The following MAP3K10 variants were observed in gnomAD, a reference collection of about 807,000 sequenced individuals.
The protein encoded by MAP3K10 is mitogen-activated protein kinase kinase kinase 10, also known as MKN28 derived nonreceptor_type serine/threonine kinase.
Under a neutral mutation model 75.0 loss-of-function variants are expected in MAP3K10, and 22 were observed. That is an observed-to-expected ratio of 0.29 (90% CI 0.21 to 0.42). The LOEUF (loss-of-function observed/expected upper bound fraction) is 0.42. Ranked by LOEUF, MAP3K10 falls within the 10% of genes least tolerant of loss-of-function variation. The pLI, the probability that MAP3K10 is intolerant of heterozygous loss-of-function variation, is 1.00. For missense variants in MAP3K10, 1,165 were observed against 1,379.8 expected, an observed-to-expected ratio of 0.84 and a Z score of 2.47; for synonymous variants, 599 against 612.9, an observed-to-expected ratio of 0.98 and a Z score of 0.34.
At position 40,213,794 on chromosome 19, in the gene MAP3K10, G is replaced by A; in HGVS notation, c.2115G>A (p.Trp705Ter). 1 of 1,263,436 alleles carries A rather than the reference G, an allele frequency of 7.9e-7. No homozygotes were observed. Among genetic ancestry groups the A allele is most frequent in the South Asian group, 1.9e-5 (1 of 53,358 alleles). The allele number at this position is 1,263,436 out of a possible 1,614,324, so 78.3% of individuals were successfully genotyped here. Residue 705 changes from tryptophan (W) to a stop codon, truncating the protein, a stop_gained, in exon 9 of 10, where the codon TGG becomes TGA. Coordinates refer to ENST00000253055, the MANE Select transcript of MAP3K10 (RefSeq NM_002446.4). LOFTEE classifies it high-confidence loss of function. This position sits in a 1 kb window ranked among gnomAD's most constrained non-coding sequence, Gnocchi z 5.7. ...CCGACGGTGAGGAGCAGCGGCGCTG[G>A]CTCGACGGCCTCTTCTTTCCCCGCG... is the stretch of plus-strand genomic sequence containing the variant. ...RAADGEEQRRWLDGLFFPRAG... is the reference protein window; with the variant it reads ...RAADGEEQRR
Position 40,214,007 on chromosome 19 carries a change from A to ACCCCCCCCCCCCCCCCCCCC in MAP3K10, c.2330_2331insCCCCCCCCCCCCCCCCCCCC (p.Ser779ProfsTer50). On this transcript the variant is annotated frameshift_variant, in exon 9 of 10. Coordinates refer to ENST00000253055, the MANE Select transcript of MAP3K10 (RefSeq NM_002446.4). LOFTEE classifies it high-confidence loss of function. ...AGGCCGCACCGGCCGCGCCCTCCCC[A>ACCCCCCCCCCCCCCCCCCCC]CCACCCTCCCCGCCCGCGCCCACAC... 1 of 512,948 alleles carries ACCCCCCCCCCCCCCCCCCCC rather than the reference A, an allele frequency of 1.9e-6. No individual in the cohort carries two copies. Among genetic ancestry groups the ACCCCCCCCCCCCCCCCCCCC allele is most frequent in the Non-Finnish European group, 2.7e-6 (1 of 369,904 alleles). 31.8% of individuals were successfully genotyped at this position (512,948 alleles called of 1,614,324 possible).
At chr19:40,195,440 C>T (rs1568486729) in intron 1 of MAP3K10, among the ~76,000 whole-genome samples, 1 of 138,870 alleles carries the variant, frequency 7.2e-6, no homozygotes, top group Non-Finnish European at 1.5e-5. Flanking sequence ...TGGGGGCTTC[C>T]AGGAGGAGGT....
Position 40,205,524 on chromosome 19 carries a change from C to A in MAP3K10, c.1188+228C>A. On this transcript the variant is annotated intron_variant, in intron 4 of 9. Coordinates refer to ENST00000253055, the MANE Select transcript of MAP3K10 (RefSeq NM_002446.4). This position sits in a 1 kb window ranked among gnomAD's most constrained non-coding sequence, Gnocchi z 4.3. ...GACACTGCATGATGTCTGGGGTTGG[C>A]TTTAAAATACTACAGCAGAAACGAA... 1 of 565,416 alleles carries A rather than the reference C, an allele frequency of 1.8e-6. No individual in the cohort carries two copies. The highest frequency in any genetic ancestry group is 3.1e-6 in the Non-Finnish European group (1 of 318,360). The allele number at this position is 565,416 out of a possible 1,614,324, so 35.0% of individuals were successfully genotyped here.
Position 40,204,430 on chromosome 19 carries a change from T to C in MAP3K10, c.864-55T>C. ...ATGGGACCAAGGGCAGGGCTGGGTA[T>C]AGGTGAGGATTGGGGTGGGCTGCGA... is the stretch of plus-strand genomic sequence containing the variant. On this transcript the variant is annotated intron_variant, in intron 2 of 9. Transcript: ENST00000253055. This position sits in a 1 kb window ranked among gnomAD's most constrained non-coding sequence, Gnocchi z 4.3. 2 of 1,581,246 alleles carry C rather than the reference T, an allele frequency of 1.3e-6. No individual in the cohort carries two copies. Among genetic ancestry groups the C allele is most frequent in the African/African-American group, 1.3e-5 (1 of 74,700 alleles).
chr19:40,201,933 T>G (rs1341651874), intron 2 of MAP3K10, among the ~76,000 whole-genome samples: 1 of 151,856 alleles, frequency 6.6e-6, no homozygotes, highest in African/African-American at 2.4e-5. Context: ...GCCCCGCGTG[T>G]GTCAGGTATT....
Position 40,213,049 on chromosome 19 carries a change from G to A in MAP3K10, c.1725-27G>A. On this transcript the variant is annotated intron_variant, in intron 7 of 9. Transcript: ENST00000253055. This position sits in a 1 kb window ranked among gnomAD's most constrained non-coding sequence, Gnocchi z 5.7. ...CCAGGCTCCAGGCCACAGGACTGAG[G>A]TCTCCATCTCTCCCTGGACCCCGCA... is the stretch of plus-strand genomic sequence containing the variant. The A allele has an allele frequency of 1.9e-6, 3 of 1,601,752 alleles. No individual in the cohort carries two copies. The highest frequency in any genetic ancestry group is 8.5e-7 in the Non-Finnish European group (1 of 1,173,290).
At position 40,192,436 on chromosome 19, in the gene MAP3K10, G is replaced by C; in HGVS notation, c.405G>C (p.Pro135=). 2 of 1,614,036 alleles carry C rather than the reference G, an allele frequency of 1.2e-6. No individual in the cohort carries two copies. The highest frequency in any genetic ancestry group is 8.5e-7 in the Non-Finnish European group (1 of 1,179,982). The part of the protein sequence containing the change: ...KAARLDPEKD[P]AVTAEQVCQE... ...CCCGGCTGGACCCTGAGAAGGACCC[G>C]GCAGTGACAGCGGAGCAGGTGTGCC... is the stretch of plus-strand genomic sequence containing the variant. Residue 135 remains proline, a synonymous_variant, in exon 1 of 10, where the codon CCG becomes CCC. Transcript: ENST00000253055. The surrounding 1 kb of genome is among the most constrained non-coding windows in gnomAD (Gnocchi z 7.1).
chr19:40,196,549 C>T (rs1008518884), intron 1 of MAP3K10, among the ~76,000 whole-genome samples: 3 of 152,128 alleles, frequency 2.0e-5, no homozygotes, highest in Non-Finnish European at 4.4e-5. Flanking sequence ...GATGGAGTCT[C>T]GCTCTGTCAT....
chr19:40,198,332 C>A lies in MAP3K10; in HGVS notation c.683-43C>A. The A allele has an allele frequency of 1.3e-6, 2 of 1,565,436 alleles. No homozygotes were observed. The highest frequency in any genetic ancestry group is 8.7e-7 in the Non-Finnish European group (1 of 1,150,940). On this transcript the variant is annotated intron_variant, in intron 1 of 9. Transcript: ENST00000253055. The surrounding 1 kb of genome is among the most constrained non-coding windows in gnomAD (Gnocchi z 4.3). ...CGGGCCAGAACACTTGGGTCTGCGG[C>A]GTGGCAGGTCTGGGGTGACCCACCT... is the stretch of plus-strand genomic sequence containing the variant.
intron 2 of MAP3K10, among the ~76,000 whole-genome samples, chr19:40,201,327 C>G (rs1176874459): frequency 6.6e-6 from 1 of 151,824 alleles, no homozygotes; most frequent in Non-Finnish European, 1.5e-5. Flanking sequence ...CACATGCCAC[C>G]AGGCCCAGCT....
Position 40,214,180 on chromosome 19 carries a change from T to C in MAP3K10, c.2501T>C (p.Leu834Pro), listed in dbSNP as rs1242068065. ...CGGCGGACGCCATCGGACGGGGCGC[T>C]GGGGCAGCGGGGGCCGCCCGAGCCC... is the stretch of plus-strand genomic sequence containing the variant. Reference protein sequence around the residue: ...GHRRTPSDGALGQRGPPEPAG... With the variant: ...GHRRTPSDGAPGQRGPPEPAG... The change falls in exon 9 of 10, where the codon CTG becomes CCG. Residue 834 changes from leucine (L) to proline (P), a missense_variant. Physicochemically the swap from Leu to Pro is moderately conservative, Grantham distance 98 (BLOSUM62 -3). Coordinates refer to ENST00000253055, the MANE Select transcript of MAP3K10 (RefSeq NM_002446.4). The C allele has an allele frequency of 6.8e-7, 1 of 1,480,286 alleles. No individual in the cohort carries two copies. Among genetic ancestry groups the C allele is most frequent in the Middle Eastern group, 2.1e-4 (1 of 4,858 alleles). 91.7% of individuals were successfully genotyped at this position (1,480,286 alleles called of 1,614,324 possible).
Position 40,209,172 on chromosome 19 carries a change from G to C in MAP3K10, c.1505G>C (p.Ser502Thr), listed in dbSNP as rs1973188362. 6.2e-7 allele frequency: 1 copy of C among 1,614,198 alleles called. No individual in the cohort carries two copies. The highest frequency in any genetic ancestry group is 1.1e-5 in the South Asian group (1 of 91,088). The change falls in exon 6 of 10, where the codon AGC becomes ACC. Residue 502 changes from serine (S) to threonine (T), a missense_variant. Ser to Thr is a moderately conservative substitution (Grantham distance 58, BLOSUM62 1). Coordinates refer to ENST00000253055, the MANE Select transcript of MAP3K10 (RefSeq NM_002446.4). Reference sequence around the variant, plus strand: ...AAGCGGAAAGGATCCGATGGGGCCAGCCCCCCTGCAAGCCCCAGCATCATC... The same window carrying C: ...AAGCGGAAAGGATCCGATGGGGCCACCCCCCCTGCAAGCCCCAGCATCATC... The part of the protein sequence containing the change: ...LDKRKGSDGA[S>T]PPASPSIIPR...
Position 40,213,666 on chromosome 19 carries a change from T to TG in MAP3K10, c.1991dup (p.His665ThrfsTer36). ...GACGCCGTCCGCGCCCCCCGCTCGGTGGGGACACGGCGCCCGGCGGCGCTG... is the reference window on the plus strand; with the variant it reads ...GACGCCGTCCGCGCCCCCCGCTCGGTGGGGGACACGGCGCCCGGCGGCGCTG... On this transcript the variant is annotated frameshift_variant, in exon 9 of 10. Coordinates refer to ENST00000253055, the MANE Select transcript of MAP3K10 (RefSeq NM_002446.4). LOFTEE classifies it high-confidence loss of function. This position sits in a 1 kb window ranked among gnomAD's most constrained non-coding sequence, Gnocchi z 5.7. 8.3e-7 allele frequency: 1 copy of TG among 1,207,778 alleles called. No homozygotes were observed. The highest frequency in any genetic ancestry group is 1.0e-6 in the Non-Finnish European group (1 of 964,240). 74.8% of individuals were successfully genotyped at this position (1,207,778 alleles called of 1,614,324 possible).
intron 5 of MAP3K10, among the ~76,000 whole-genome samples, chr19:40,207,809 A>G (rs1041594622): frequency 7.9e-5 from 12 of 152,314 alleles, no homozygotes; most frequent in Admixed American, 7.8e-4. Flanking sequence ...GAGATATTTT[A>G]CCTTCTTTTT....
At chr19:40,210,200 G>A (rs1190112760) in intron 6 of MAP3K10, among the ~76,000 whole-genome samples, 2 of 152,180 alleles carry the variant, frequency 1.3e-5, no homozygotes, top group Non-Finnish European at 1.5e-5. Flanking sequence ...CCGGGAGGCG[G>A]AGCATGCAGT....
At chr19:40,214,869 C>A in intron 9 of MAP3K10, 101 bp from the exon 10 acceptor site, 1 of 646,848 alleles carries the variant, frequency 1.5e-6, no homozygotes. Context: ...ACGGATTTCT[C>A]GAGAGAAACC....
intron 1 of MAP3K10, among the ~76,000 whole-genome samples, chr19:40,195,027 G>A (rs1366850157): frequency 6.6e-6 from 1 of 152,170 alleles, no homozygotes; most frequent in Non-Finnish European, 1.5e-5. Context: ...CAAAGATCTG[G>A]GGAAGGGGAA....
At position 40,213,877 on chromosome 19, in the gene MAP3K10, A is replaced by T. The variant is rs1391241042; in HGVS notation, c.2198A>T (p.Asp733Val). 6.9e-7 allele frequency: 1 copy of T among 1,442,508 alleles called. No homozygotes were observed. The highest frequency in any genetic ancestry group is 2.9e-5 in the Admixed American group (1 of 34,032). The allele number at this position is 1,442,508 out of a possible 1,614,324, so 89.4% of individuals were successfully genotyped here. Residue 733 changes from aspartate to valine, a missense_variant, in exon 9 of 10, where the codon GAC becomes GTC. Physicochemically the swap from Asp to Val is radical, Grantham distance 152. Around this residue, in one of 2 missense-constraint regions of MAP3K10, gnomAD observed 590 missense variants for 586.6 expected, o/e 1.01. Transcript: ENST00000253055. The surrounding 1 kb of genome is among the most constrained non-coding windows in gnomAD (Gnocchi z 5.7). ...GCGCGTCCCCACGGCCGCCGCGAAG[A>T]CGTGGGCCCCGGCCTGGGCCTGGCG... ...PPARPHGRREDVGPGLGLAPS... is the reference protein window; with the variant it reads ...PPARPHGRREVVGPGLGLAPS...
chr19:40,204,564 G>A lies in MAP3K10; in HGVS notation c.943G>A (p.Val315Met), dbSNP rs750540519. ...EIDALAVAYG[V>M]AMNKLTLPIP... ...CGACGCCTTGGCCGTGGCGTATGGCGTGGCTATGAATAAGCTGACGCTGCC... is the reference window on the plus strand; with the variant it reads ...CGACGCCTTGGCCGTGGCGTATGGCATGGCTATGAATAAGCTGACGCTGCC... Residue 315 changes from valine (V) to methionine (M), a missense_variant, in exon 3 of 10, where the codon GTG becomes ATG. By Grantham distance (21) the Val-to-Met change is conservative. This residue lies in a region of MAP3K10 where 575 missense variants were observed against 793.2 expected (regional missense o/e 0.72). Transcript: ENST00000253055. The surrounding 1 kb of genome is among the most constrained non-coding windows in gnomAD (Gnocchi z 4.3). 6.2e-6 allele frequency: 10 copies of A among 1,613,922 alleles called. No individual in the cohort carries two copies. Among genetic ancestry groups the A allele is most frequent in the African/African-American group, 1.3e-5 (1 of 74,902 alleles).
Sources: gnomAD v4.1 joint callset for allele counts (sites outside exome capture counted in the v4.1 genomes callset) on GRCh38, gnomAD v4.1.1 for gene constraint, gnomAD v4.1.1 regional missense constraint, Gnocchi (gnomAD v3.1) non-coding constraint, MANE v1.5 for transcripts, NCBI Gene and HGNC (gene_info 2026-07-23, HGNC 2026-07-21) for gene names.